Variants in CD70 observed in about 807,000 individuals in gnomAD.
CD70 encodes CD70 molecule.
Under a neutral mutation model 9.0 loss-of-function variants are expected in CD70, and 6 were observed. The observed-to-expected ratio is 0.67, with a 90% CI of 0.37 to 1.32. The LOEUF is 1.32. CD70 is among the 40% of genes most tolerant of loss of function. CD70 has a pLI of 0.02. For synonymous variants in CD70, 108 were observed against 112.3 expected (o/e 0.96, Z 0.24); for missense variants, 235 against 258.7 (o/e 0.91, Z 0.63).
chr19:6,582,123 G>A (rs534798480), downstream of CD70, among the ~76,000 whole-genome samples: 41 of 150,912 alleles, frequency 2.7e-4, no homozygotes, highest in Admixed American at 1.1e-3. Flanking sequence ...TCTGCCTCCC[G>A]GGTTAAAGCG....
chr19:6,591,070 G>T lies in CD70; in HGVS notation c.-68C>A. ...GGCGCGGAGCGCTGCCGAGAAGGAA[G>T]GAAGGAAACTGCAGCCCCCTCCCGG... is the stretch of plus-strand genomic sequence containing the variant. On this transcript the variant is annotated 5_prime_UTR_variant, in exon 1 of 3. Coordinates refer to ENST00000245903, the MANE Select transcript of CD70 (RefSeq NM_001252.5). 2 of 1,499,082 alleles carry T rather than the reference G, an allele frequency of 1.3e-6. No individual in the cohort carries two copies. Among genetic ancestry groups the T allele is most frequent in the Non-Finnish European group, 1.8e-6 (2 of 1,123,470 alleles). The allele number at this position is 1,499,082 out of a possible 1,614,324, so 92.9% of individuals were successfully genotyped here.
At chr19:6,588,078 C>G (rs1158214909) in intron 2 of CD70, among the ~76,000 whole-genome samples, 2 of 152,148 alleles carry the variant, frequency 1.3e-5, no homozygotes, top group African/African-American at 4.8e-5. Context: ...CACACCTGAG[C>G]CTCACTCTCC....
downstream of CD70, among the ~76,000 whole-genome samples, chr19:6,584,987 C>T (rs545360697): frequency 1.3e-5 from 2 of 152,040 alleles, no homozygotes; most frequent in African/African-American, 4.8e-5. Flanking sequence ...AGTTCCATTA[C>T]ATAGTTAAAT....
Position 6,586,134 on chromosome 19 carries a change from C to T in CD70, c.468G>A (p.Gln156=). ...SFHQGCTIAS[Q]RLTPLARGDT... The stretch of plus-strand genomic sequence containing the variant: ...CCCCTCGGGCCAGGGGCGTCAGGCG[C>T]TGGGAGGCAATGGTACAACCTTGGT... The change falls in exon 3 of 3, where the codon CAG becomes CAA. Residue 156 remains glutamine (Q), a synonymous_variant. Transcript: ENST00000245903. 6.2e-7 allele frequency: 1 copy of T among 1,614,130 alleles called. No homozygotes were observed. The highest frequency in any genetic ancestry group is 8.5e-7 in the Non-Finnish European group (1 of 1,180,030).
Position 6,591,115 on chromosome 19 carries a change from G to GC in CD70, c.-114dup. On this transcript the variant is annotated 5_prime_UTR_variant, in exon 1 of 3. Coordinates refer to ENST00000245903, the MANE Select transcript of CD70 (RefSeq NM_001252.5). ...TCCCGGGGCTCCTGGGCGTCTACTT[G>GC]CTTCAACCTGTCAGGGGACCAGCCT... 8.5e-7 allele frequency: 1 copy of GC among 1,177,452 alleles called. No homozygotes were observed. 72.9% of individuals were successfully genotyped at this position (1,177,452 alleles called of 1,614,324 possible).
At chr19:6,584,167 G>T (rs574647148), downstream of CD70, among the ~76,000 whole-genome samples, 10 of 151,342 alleles carry the variant, frequency 6.6e-5, no homozygotes, top group South Asian at 4.2e-4. Flanking sequence ...AAAAGATGTG[G>T]TGTTTGATTA....
rs373120538 is a variant in CD70, at chr19:6,590,079, G to A, written c.196+24C>T. ...TCTCTCTGTGCCTCTTCTTCTCCCC[G>A]TCCCTCCACGTCCCCCGTGTTACCT... is the stretch of plus-strand genomic sequence containing the variant. On this transcript the variant is annotated intron_variant, in intron 2 of 2. Transcript: ENST00000245903. The surrounding 1 kb of genome is among the most constrained non-coding windows in gnomAD (Gnocchi z 5.3). 78 of 1,601,790 alleles carry A rather than the reference G, an allele frequency of 4.9e-5. No homozygotes were observed. The African/African-American group carries it at 7.7e-4, about 16-fold the overall frequency.
chr19:6,590,552 C>G lies in CD70; in HGVS notation c.162+289G>C, dbSNP rs919048905. On this transcript the variant is annotated intron_variant, in intron 1 of 2. Coordinates refer to ENST00000245903, the MANE Select transcript of CD70 (RefSeq NM_001252.5). This position sits in a 1 kb window ranked among gnomAD's most constrained non-coding sequence, Gnocchi z 5.3. ...CCCCCACGCCCAGCCTTGTGAAGCC[C>G]CCAGCAGCCTCTGAGTCAGCCTGCC... Among the ~76,000 whole-genome samples, 4 of 152,156 alleles carry G rather than the reference C, an allele frequency of 2.6e-5. No individual in the cohort carries two copies. Among genetic ancestry groups the G allele is most frequent in the African/African-American group, 7.2e-5 (3 of 41,440 alleles).
chr19:6,586,900 G>GAGAAAAA, intron 2 of CD70, among the ~76,000 whole-genome samples: 1 of 17,858 alleles, frequency 5.6e-5, no homozygotes, highest in South Asian at 1.8e-3. Context: ...GAGAGAGAGA[G>GAGAAAAA]ACAAAAAAAA....
Position 6,591,050 on chromosome 19 carries a change from G to A in CD70, c.-48C>T, listed in dbSNP as rs537135167. 5.2e-6 allele frequency: 8 copies of A among 1,538,862 alleles called. No homozygotes were observed. The South Asian group carries it at 7.4e-5, about 14-fold the overall frequency. The stretch of plus-strand genomic sequence containing the variant: ...AGCGCAGGAGGGGCGATGGGGGCGC[G>A]GAGCGCTGCCGAGAAGGAAGGAAGG... On this transcript the variant is annotated 5_prime_UTR_variant, in exon 1 of 3. Transcript: ENST00000245903.
intron 2 of CD70, among the ~76,000 whole-genome samples, chr19:6,589,498 T>C (rs763111186): frequency 1.3e-5 from 2 of 152,044 alleles, no homozygotes; most frequent in African/African-American, 2.4e-5. Context: ...CAGGCGATTC[T>C]CCTGCCTCGG....
chr19:6,587,311 TGA>T (rs1234282266), intron 2 of CD70, among the ~76,000 whole-genome samples: 24 of 131,544 alleles, frequency 1.8e-4, no homozygotes, highest in Non-Finnish European at 3.2e-4. Context: ...AGAGACAGCA[TGA>T]GAGAGAGAGC....
chr19:6,586,006 A>G lies in CD70; in HGVS notation c.*14T>C, dbSNP rs1916006636. The G allele has an allele frequency of 6.4e-7, 1 of 1,572,424 alleles. No individual in the cohort carries two copies. Among genetic ancestry groups the G allele is most frequent in the South Asian group, 1.1e-5 (1 of 87,014 alleles). Reference sequence around the variant, plus strand: ...ATAAAATAAAATTTAAAAAACCCTAATCAGCAGCAGTGGTCAGGGGCGCAC... The same window carrying G: ...ATAAAATAAAATTTAAAAAACCCTAGTCAGCAGCAGTGGTCAGGGGCGCAC... On this transcript the variant is annotated 3_prime_UTR_variant, in exon 3 of 3. Transcript: ENST00000245903.
At chr19:6,589,381 T>G (rs1916101080) in intron 2 of CD70, among the ~76,000 whole-genome samples, 1 of 151,210 alleles carries the variant, frequency 6.6e-6, no homozygotes, top group Admixed American at 6.6e-5. Context: ...TTCTTTTTCT[T>G]TTCCTTTCTT....
rs1367719138 is a variant in CD70, at chr19:6,590,647, T to C, written c.162+194A>G. On this transcript the variant is annotated intron_variant, in intron 1 of 2. Transcript: ENST00000245903. The surrounding 1 kb of genome is among the most constrained non-coding windows in gnomAD (Gnocchi z 5.3). Reference sequence around the variant, plus strand: ...TACCTTTCCCATCCCGGGATCTCCCTGTACCTCCTGGCAGGGCTGCCTGTC... The same window carrying C: ...TACCTTTCCCATCCCGGGATCTCCCCGTACCTCCTGGCAGGGCTGCCTGTC... 6.6e-6 allele frequency among the ~76,000 whole-genome samples: 1 copy of C among 152,178 alleles called. No individual in the cohort carries two copies. The highest frequency in any genetic ancestry group is 1.5e-5 in the Non-Finnish European group (1 of 68,012).
chr19:6,584,787 G>T (rs1189630272), downstream of CD70, among the ~76,000 whole-genome samples: 1 of 151,728 alleles, frequency 6.6e-6, no homozygotes, highest in Admixed American at 6.6e-5. Context: ...GATCGCTTGA[G>T]CCCAGGAGTT....
chr19:6,583,384 G>A (rs551468536), downstream of CD70: 92 of 702,106 alleles, frequency 1.3e-4, 2 homozygotes, highest in South Asian at 1.2e-3. Context: ...GCATGAACAC[G>A]AGCTGAGTTA....
chr19:6,589,783 T>C, intron 2 of CD70, among the ~76,000 whole-genome samples: 1 of 149,564 alleles, frequency 6.7e-6, no homozygotes, highest in East Asian at 2.0e-4. Context: ...CCCGCCTGTC[T>C]CCCTCCCTCC....
In CD70 at chr19:6,590,964, C is replaced by CCTGCGCTGCT; in HGVS notation, c.38_39insAGCAGCGCAG (p.Pro14AlafsTer49). On this transcript the variant is annotated frameshift_variant, in exon 1 of 3. Coordinates refer to ENST00000245903, the MANE Select transcript of CD70 (RefSeq NM_001252.5). LOFTEE classifies it high-confidence loss of function. The surrounding 1 kb of genome is among the most constrained non-coding windows in gnomAD (Gnocchi z 5.3). Reference sequence around the variant, plus strand: ...CAGCCCGCAGGACGCACCCATAGGGCCTGCGCCGCACCGAGCAGCCCGAAC... The same window carrying CCTGCGCTGCT: ...CAGCCCGCAGGACGCACCCATAGGGCCTGCGCTGCTCTGCGCCGCACCGAGCAGCCCGAAC... 1 of 1,613,580 alleles carries CCTGCGCTGCT rather than the reference C, an allele frequency of 6.2e-7. No homozygotes were observed. The highest frequency in any genetic ancestry group is 8.5e-7 in the Non-Finnish European group (1 of 1,179,778).
Sources: gnomAD v4.1 joint callset for allele counts (sites outside exome capture counted in the v4.1 genomes callset) on GRCh38, gnomAD v4.1.1 for gene constraint, Gnocchi (gnomAD v3.1) non-coding constraint, MANE v1.5 for transcripts, NCBI Gene and HGNC (gene_info 2026-07-23, HGNC 2026-07-21) for gene names.